Variants in CSE1L observed in about 807,000 individuals in gnomAD.
The protein encoded by CSE1L is chromosome segregation 1 like.
A neutral mutation model predicts 120.4 loss-of-function variants in CSE1L; 24 were observed. The ratio of observed to expected loss-of-function variants is 0.20; its 90% CI spans 0.14 to 0.28. The LOEUF (loss-of-function observed/expected upper bound fraction) is 0.28. CSE1L is among the 10% of genes least tolerant of loss of function. The pLI is 1.00. For missense variants in CSE1L, 830 were observed against 1,145.2 expected (o/e 0.72, Z 3.97); for synonymous variants, 402 against 398.3 (o/e 1.01, Z -0.11).
At chr20:49,081,914 T>C (rs1342874626) in intron 14 of CSE1L, among the ~76,000 whole-genome samples, 2 of 152,234 alleles carry the variant, frequency 1.3e-5, no homozygotes, top group Non-Finnish European at 2.9e-5. Context: ...GCCATATTTA[T>C]GTATACATAC....
intron 7 of CSE1L, among the ~76,000 whole-genome samples, chr20:49,069,077 G>A (rs1302305057): frequency 6.6e-6 from 1 of 152,120 alleles, no homozygotes; most frequent in Admixed American, 6.6e-5. Flanking sequence ...CTCTTGGAGA[G>A]TCACCCTGTA....
At position 49,057,104 on chromosome 20, in the gene CSE1L, T is replaced by A. The variant is rs138422136; in HGVS notation, c.-11-1349T>A. Among the ~76,000 whole-genome samples the A allele has an allele frequency of 2.0e-3, 305 of 152,308 alleles. 1 individual carries two copies. The highest frequency in any genetic ancestry group is 7.0e-3 in the African/African-American group (290 of 41,574). Reference sequence around the variant, plus strand: ...ACACTGGGAGGCCAAGGCAGGAGGATCACTTGAGTCCAGGAGTTTGAGACC... The same window carrying A: ...ACACTGGGAGGCCAAGGCAGGAGGAACACTTGAGTCCAGGAGTTTGAGACC... On this transcript the variant is annotated intron_variant, in intron 1 of 24. Transcript: ENST00000262982.
At chr20:49,074,351 G>A (rs558849892) in intron 10 of CSE1L, among the ~76,000 whole-genome samples, 12 of 151,720 alleles carry the variant, frequency 7.9e-5, no homozygotes, top group Admixed American at 2.0e-4. Context: ...GGTTACACGC[G>A]TGAGCCACCA....
rs1413865816 is a variant in CSE1L, at chr20:49,080,518, C to T, written c.1482+1896C>T. 2.6e-5 allele frequency among the ~76,000 whole-genome samples: 4 copies of T among 152,128 alleles called. No individual in the cohort carries two copies. The South Asian group carries it at 6.2e-4, about 24-fold the overall frequency. ...TTTTTTTTGGAGACGGAGTTTCGCT[C>T]TCGTTGCCCAGGCAATGGAACGATC... On this transcript the variant is annotated intron_variant, in intron 14 of 24. Coordinates refer to ENST00000262982, the MANE Select transcript of CSE1L (RefSeq NM_001316.4).
In CSE1L at chr20:49,072,433, C is replaced by G. The variant is rs1274212371; in HGVS notation, c.916C>G (p.Gln306Glu). 4.3e-6 allele frequency: 7 copies of G among 1,613,922 alleles called. No individual in the cohort carries two copies. The highest frequency in any genetic ancestry group is 5.9e-6 in the Non-Finnish European group (7 of 1,180,030). ...CTGGAATTTACTAGTTACAACGGGT[C>G]AAGAGGTTAAATATGATTTGGTAAG... Reference protein sequence around the residue: ...AIWNLLVTTGQEVKYDLLVSN... With the variant: ...AIWNLLVTTGEEVKYDLLVSN... Residue 306 changes from glutamine (Q) to glutamate (E), a missense_variant, in exon 9 of 25, where the codon CAA becomes GAA. Transcript: ENST00000262982.
In CSE1L at chr20:49,059,608, G is replaced by A. The variant is rs554983007; in HGVS notation, c.85+1060G>A. ...TTCAAAAGATTTTGGGGCCGGGTGC[G>A]GTGGCTCACGCTTGTAATCCCAGCA... On this transcript the variant is annotated intron_variant, in intron 2 of 24. Coordinates refer to ENST00000262982, the MANE Select transcript of CSE1L (RefSeq NM_001316.4). 7.2e-5 allele frequency among the ~76,000 whole-genome samples: 11 copies of A among 152,234 alleles called. No individual in the cohort carries two copies. The South Asian group carries it at 8.3e-4, about 11-fold the overall frequency.
intron 2 of CSE1L, among the ~76,000 whole-genome samples, chr20:49,061,198 A>T (rs1327628242): frequency 4.5e-4 from 53 of 119,080 alleles, no homozygotes; most frequent in African/African-American, 1.7e-3. Flanking sequence ...TTGGAGACGG[A>T]GTCTCCCTCT....
At chr20:49,077,153 CTTTTT>C in intron 13 of CSE1L, 89 bp downstream of exon 13, 30 of 401,426 alleles carry the variant, frequency 7.5e-5, no homozygotes, top group East Asian at 1.3e-4. Context: ...CCCTTTTGTT[CTTTTT>C]TTTTTTTTTT....
chr20:49,087,132 A>G (rs190516228), intron 16 of CSE1L, among the ~76,000 whole-genome samples: 1 of 152,088 alleles, frequency 6.6e-6, no homozygotes, highest in Non-Finnish European at 1.5e-5. Context: ...TTTTTCTCCC[A>G]TGCTTCCTAT....
Position 49,075,508 on chromosome 20 carries a change from C to G in CSE1L, c.1323C>G (p.Ala441=), listed in dbSNP as rs1232542973. Residue 441 remains alanine, a synonymous_variant, in exon 12 of 25, where the codon GCC becomes GCG. Transcript: ENST00000262982. The part of the protein sequence containing the change: ...IYLVTSLASK[A]QTQKHGITQA... ...TAGTGACATCTTTGGCATCAAAAGCCCAAACACAGAAGGTAAATATTTTTA... is the reference window on the plus strand; with the variant it reads ...TAGTGACATCTTTGGCATCAAAAGCGCAAACACAGAAGGTAAATATTTTTA... 6.2e-7 allele frequency: 1 copy of G among 1,613,784 alleles called. No homozygotes were observed. The highest frequency in any genetic ancestry group is 8.5e-7 in the Non-Finnish European group (1 of 1,179,824).
chr20:49,056,187 G>C (rs891800897), intron 1 of CSE1L, among the ~76,000 whole-genome samples: 6 of 151,578 alleles, frequency 4.0e-5, no homozygotes, highest in African/African-American at 1.5e-4. Context: ...GTTCACTGCA[G>C]CTTCTGCCTC....
At chr20:49,052,026 G>T (rs1174854151) in intron 1 of CSE1L, among the ~76,000 whole-genome samples, 1 of 152,198 alleles carries the variant, frequency 6.6e-6, no homozygotes, top group African/African-American at 2.4e-5. Flanking sequence ...CTTTCTTGAA[G>T]TACTTTTGAA....
chr20:49,055,814 TATATC>T (rs1169507506), intron 1 of CSE1L, among the ~76,000 whole-genome samples: 1 of 152,220 alleles, frequency 6.6e-6, no homozygotes, highest in Non-Finnish European at 1.5e-5. Context: ...AAACTCTCCT[TATATC>T]TATCACCGAG....
intron 2 of CSE1L, among the ~76,000 whole-genome samples, chr20:49,059,804 T>G (rs1366803559): frequency 6.6e-6 from 1 of 151,442 alleles, no homozygotes; most frequent in Non-Finnish European, 1.5e-5. Flanking sequence ...TGCTTGAACC[T>G]GGGAGGTGGA....
rs180792884 is a variant in CSE1L at position 49,071,987 on chromosome 20, C to T, written c.769-299C>T. On this transcript the variant is annotated intron_variant, in intron 8 of 24. Transcript: ENST00000262982. ...CGTCTCAAAAAAAAAAAAAAAAAAC[C>T]ACTCCTGGCCTCAGGCCATCCTCCA... Among the ~76,000 whole-genome samples the T allele has an allele frequency of 7.3e-3, 1,073 of 146,838 alleles. 15 individuals are homozygous for T. Among genetic ancestry groups the T allele is most frequent in the African/African-American group, 0.026 (1,027 of 39,536 alleles).
At chr20:49,095,150 A>G (rs1490840234) in intron 24 of CSE1L, 187 bp downstream of exon 24, 1 of 684,204 alleles carries the variant, frequency 1.5e-6, no homozygotes, top group Non-Finnish European at 2.6e-6. Context: ...ATGTACTACA[A>G]ATATATTTTA....
chr20:49,068,691 C>CA (rs764619548), intron 6 of CSE1L, 24 bp from the exon 7 acceptor site: 1 of 1,520,846 alleles, frequency 6.6e-7, no homozygotes, highest in East Asian at 2.3e-5. Flanking sequence ...GCACTAAAAC[C>CA]ATGTTGCTAA....
intron 17 of CSE1L, among the ~76,000 whole-genome samples, chr20:49,088,792 C>T (rs1312032591): frequency 6.6e-6 from 1 of 152,178 alleles, no homozygotes; most frequent in East Asian, 1.9e-4. Flanking sequence ...GTATTACCAT[C>T]TCATGTTCTG....
chr20:49,047,395 C>G (rs904117539), intron 1 of CSE1L, among the ~76,000 whole-genome samples: 1 of 151,906 alleles, frequency 6.6e-6, no homozygotes, highest in Non-Finnish European at 1.5e-5. Flanking sequence ...TCTGTTTCTT[C>G]CATATTCCAG....
Sources: gnomAD v4.1 joint callset for allele counts (sites outside exome capture counted in the v4.1 genomes callset) on GRCh38, gnomAD v4.1.1 for gene constraint, MANE v1.5 for transcripts, NCBI Gene and HGNC (gene_info 2026-07-23, HGNC 2026-07-21) for gene names.